CACNG4: variants seen among roughly 807,000 people sequenced by gnomAD.
CACNG4 encodes the protein voltage-dependent calcium channel gamma-4 subunit.
In CACNG4, 8 loss-of-function variants were observed where a neutral mutation model predicts 22.9. The observed-to-expected ratio is 0.35, with a 90% CI of 0.21 to 0.63. The LOEUF is 0.63. Ranked by LOEUF, CACNG4 falls within the 30% of genes least tolerant of loss-of-function variation. The probability of loss-of-function intolerance (pLI) is 0.72; values close to 1 mark genes in which losing one functional copy is unlikely to be tolerated. For synonymous variants in CACNG4, 188 were observed against 191.9 expected, an observed-to-expected ratio of 0.98 and a Z score of 0.17; for missense variants, 357 against 455.4, an observed-to-expected ratio of 0.78 and a Z score of 1.97.
chr17:67,000,551 C>T (rs1022898355), intron 1 of CACNG4, among the ~76,000 whole-genome samples: 8 of 152,250 alleles, frequency 5.3e-5, no homozygotes, highest in African/African-American at 1.4e-4. Context: ...AGGGCGCCTG[C>T]TCTGGGACAT....
chr17:67,013,520 T>C (rs2035479512), intron 1 of CACNG4, among the ~76,000 whole-genome samples: 1 of 152,250 alleles, frequency 6.6e-6, no homozygotes, highest in Non-Finnish European at 1.5e-5. Flanking sequence ...ATACTTTTAA[T>C]GAGGCCAGGT....
rs780252263 is a variant in CACNG4, at chr17:66,964,928, G to C, written c.17G>C (p.Arg6Pro). The stretch of plus-strand genomic sequence containing the variant: ...GCGCCCACCATGGTGCGATGCGACC[G>C]CGGGCTGCAGATGCTGCTGACCACG... Reference protein sequence around the residue: MVRCDRGLQMLLTTAG... With the variant: MVRCDPGLQMLLTTAG... The change falls in exon 1 of 4, where the codon CGC (arginine) becomes CCC (proline). Residue 6 changes from arginine to proline, a missense_variant. Physicochemically the swap from Arg to Pro is moderately radical, Grantham distance 103. This residue lies in a region of CACNG4 where 114 missense variants were observed against 161.6 expected (regional missense o/e 0.71). Transcript: ENST00000262138. The C allele has an allele frequency of 6.5e-7, 1 of 1,548,872 alleles. No homozygotes were observed. The highest frequency in any genetic ancestry group is 8.7e-7 in the Non-Finnish European group (1 of 1,148,978).
chr17:67,000,073 C>A (rs1211169892), intron 1 of CACNG4, among the ~76,000 whole-genome samples: 1 of 152,144 alleles, frequency 6.6e-6, no homozygotes, highest in Non-Finnish European at 1.5e-5. Context: ...GAATGTGGCT[C>A]CCCACTGCCT....
chr17:66,981,115 T>C (rs1463005004), intron 1 of CACNG4, among the ~76,000 whole-genome samples: 1 of 152,178 alleles, frequency 6.6e-6, no homozygotes, highest in Non-Finnish European at 1.5e-5. Flanking sequence ...TGTCCATCAA[T>C]GCAGAGACAC....
chr17:66,986,013 A>G (rs1277206822), intron 1 of CACNG4, among the ~76,000 whole-genome samples: 3 of 152,208 alleles, frequency 2.0e-5, no homozygotes, highest in Non-Finnish European at 2.9e-5. Context: ...CAGAAACATC[A>G]TGCCTGCTCC....
chr17:67,021,983 T>C (rs774112243), intron 2 of CACNG4, among the ~76,000 whole-genome samples: 1 of 151,904 alleles, frequency 6.6e-6, no homozygotes, highest in Non-Finnish European at 1.5e-5. Flanking sequence ...AATGAGTCTG[T>C]GTGGCAAGGC....
intron 3 of CACNG4, among the ~76,000 whole-genome samples, chr17:67,026,044 G>A (rs929077537): frequency 3.9e-5 from 6 of 152,024 alleles, no homozygotes; most frequent in East Asian, 1.9e-4. Context: ...TGAGAACTGT[G>A]ATTGTGTGTG....
chr17:66,981,005 G>T (rs1377975052), intron 1 of CACNG4, among the ~76,000 whole-genome samples: 1 of 152,200 alleles, frequency 6.6e-6, no homozygotes, highest in Non-Finnish European at 1.5e-5. Flanking sequence ...AAAAATCTTT[G>T]CATGGTGAAT....
chr17:66,982,929 C>G (rs2035285397), intron 1 of CACNG4, among the ~76,000 whole-genome samples: 1 of 152,178 alleles, frequency 6.6e-6, no homozygotes, highest in Non-Finnish European at 1.5e-5. Context: ...GATTAACTTG[C>G]TTAATCCTCC....
In CACNG4 at chr17:67,030,770, C is replaced by G; in HGVS notation, c.750C>G (p.Thr250=). 3 of 1,614,138 alleles carry G rather than the reference C, an allele frequency of 1.9e-6. No homozygotes were observed. The highest frequency in any genetic ancestry group is 2.5e-6 in the Non-Finnish European group (3 of 1,180,016). The change falls in exon 4 of 4, where the codon ACC becomes ACG. Residue 250 remains threonine (T), a synonymous_variant. Coordinates refer to ENST00000262138, the MANE Select transcript of CACNG4 (RefSeq NM_014405.4). This position sits in a 1 kb window ranked among gnomAD's most constrained non-coding sequence, Gnocchi z 6.4. ...RRRSRSSSRS[T]EASPSRDVSP... ...GCTCGAGGTCCAGCTCAAGGTCCACCGAGGCCTCGCCCTCCAGGGACGTGT... is the reference window on the plus strand; with the variant it reads ...GCTCGAGGTCCAGCTCAAGGTCCACGGAGGCCTCGCCCTCCAGGGACGTGT...
intron 1 of CACNG4, among the ~76,000 whole-genome samples, chr17:67,015,293 C>G (rs2035490652): frequency 6.6e-6 from 1 of 152,150 alleles, no homozygotes; most frequent in East Asian, 1.9e-4. Context: ...CATGCTGTAT[C>G]ATTCCATTTG....
At chr17:66,997,774 G>A (rs760528708) in intron 1 of CACNG4, among the ~76,000 whole-genome samples, 1 of 152,094 alleles carries the variant, frequency 6.6e-6, no homozygotes, top group African/African-American at 2.4e-5. Flanking sequence ...CCAAGAGTAC[G>A]CCACTGCCCT....
Position 67,029,502 on chromosome 17 carries a change from C to T in CACNG4, c.446-964C>T, listed in dbSNP as rs370366884. 5.5e-4 allele frequency among the ~76,000 whole-genome samples: 81 copies of T among 146,114 alleles called. No homozygotes were observed. In the East Asian group the frequency reaches 0.015, roughly 26 times the overall value. ...AAAAAAAATTGGCTGGGTGTGGTGG[C>T]GGGCGCCTGTAATCCCAGCTACTCA... On this transcript the variant is annotated intron_variant, in intron 3 of 3. Transcript: ENST00000262138.
rs116712385 is a variant in CACNG4, at chr17:66,968,007, C to A, written c.220+2876C>A. Among the ~76,000 whole-genome samples the A allele has an allele frequency of 4.6e-3, 702 of 152,304 alleles. 8 individuals carry two copies. Among genetic ancestry groups the A allele is most frequent in the African/African-American group, 0.015 (642 of 41,560 alleles). Reference sequence around the variant, plus strand: ...TGCCTGCCCCTCTGCTGGAAAGTGTCCAAAATACTCAAGTGTGCAGAGCCT... The same window carrying A: ...TGCCTGCCCCTCTGCTGGAAAGTGTACAAAATACTCAAGTGTGCAGAGCCT... On this transcript the variant is annotated intron_variant, in intron 1 of 3. Transcript: ENST00000262138.
intron 1 of CACNG4, among the ~76,000 whole-genome samples, chr17:67,004,500 C>T (rs1295387506): frequency 6.6e-6 from 1 of 152,132 alleles, no homozygotes; most frequent in Non-Finnish European, 1.5e-5. Context: ...GATACAACAT[C>T]CTTCCTTTCC....
intron 1 of CACNG4, among the ~76,000 whole-genome samples, chr17:66,999,103 T>C (rs1174629155): frequency 6.6e-6 from 1 of 152,124 alleles, no homozygotes. Context: ...GGCAACTCAC[T>C]GAACCTCTCA....
At chr17:67,023,797 G>A (rs1056782432) in intron 2 of CACNG4, among the ~76,000 whole-genome samples, 11 of 149,110 alleles carry the variant, frequency 7.4e-5, no homozygotes, top group East Asian at 2.0e-4. Context: ...GGCTGGTCTC[G>A]AACTCCTGAC....
At chr17:66,969,287 C>T (rs1179331151) in intron 1 of CACNG4, among the ~76,000 whole-genome samples, 1 of 152,216 alleles carries the variant, frequency 6.6e-6, no homozygotes, top group Non-Finnish European at 1.5e-5. Flanking sequence ...AGTCCCCGTG[C>T]TGCCATCAGG....
chr17:66,982,752 T>G (rs2035284609), intron 1 of CACNG4, among the ~76,000 whole-genome samples: 2 of 152,190 alleles, frequency 1.3e-5, no homozygotes, highest in South Asian at 4.1e-4. Context: ...GATGAGGTCT[T>G]GCTCTGTTGC....
Sources: allele counts gnomAD v4.1 joint callset (sites outside exome capture counted in the v4.1 genomes callset), GRCh38; gene constraint gnomAD v4.1.1; regional missense constraint gnomAD v4.1.1; non-coding constraint Gnocchi (gnomAD v3.1); transcripts MANE v1.5; gene names NCBI Gene and HGNC (gene_info 2026-07-23, HGNC 2026-07-21).